Variants in RMDN2 observed in about 807,000 individuals in gnomAD.
RMDN2 encodes regulator of microtubule dynamics 2.
A neutral mutation model predicts 52.8 loss-of-function variants in RMDN2; 61 were observed. The observed-to-expected ratio is 1.16, with a 90% CI of 0.94 to 1.43. The LOEUF (loss-of-function observed/expected upper bound fraction) is 1.43, where lower values mean the gene tolerates loss of function less well. Among genes scored for constraint, RMDN2 ranks in the 40% most tolerant of loss-of-function variants. The pLI is 0.00. For synonymous variants in RMDN2, 180 were observed against 153.1 expected (o/e 1.18, Z -1.30); for missense variants, 592 against 475.3 (o/e 1.25, Z -2.28).
At chr2:37,951,154 A>T (rs1668728659) in intron 2 of RMDN2, 1 of 1,348,178 alleles carries the variant, frequency 7.4e-7, no homozygotes, top group South Asian at 1.5e-5. Flanking sequence ...AAAGGTGGAT[A>T]TTATTCTTCA....
At chr2:37,924,822 C>T (rs1251426404), upstream of RMDN2, among the ~76,000 whole-genome samples, 4 of 152,190 alleles carry the variant, frequency 2.6e-5, no homozygotes, top group Non-Finnish European at 5.9e-5. Context: ...CAAAATTGCT[C>T]ATTAAAAGAA....
At chr2:37,960,868 C>G (rs921104015) in intron 2 of RMDN2, among the ~76,000 whole-genome samples, 2 of 152,276 alleles carry the variant, frequency 1.3e-5, no homozygotes, top group Admixed American at 1.3e-4. Flanking sequence ...TTCAGGAACT[C>G]TTGTAAGGCA....
intron 2 of RMDN2, among the ~76,000 whole-genome samples, chr2:37,933,169 C>G (rs544801764): frequency 1.3e-5 from 2 of 150,582 alleles, no homozygotes; most frequent in African/African-American, 4.9e-5. Context: ...ACATCTCAGA[C>G]GATGGGCGGC....
intron 2 of RMDN2, among the ~76,000 whole-genome samples, chr2:37,942,275 T>C (rs2124930799): frequency 6.6e-6 from 1 of 152,260 alleles, no homozygotes. Flanking sequence ...GGTACCTCAG[T>C]TGGAAATGCA....
intron 2 of RMDN2, among the ~76,000 whole-genome samples, chr2:37,935,384 C>G (rs184979595): frequency 6.6e-6 from 1 of 152,314 alleles, no homozygotes; most frequent in Non-Finnish European, 1.5e-5. Flanking sequence ...ACATTACTTG[C>G]TCCTGTCAGG....
rs145263719 is a variant in RMDN2, at chr2:37,982,176, T to A, written c.791+833T>A. Among the ~76,000 whole-genome samples the A allele has an allele frequency of 4.9e-4, 74 of 152,284 alleles. 1 individual carries two copies. The highest frequency in any genetic ancestry group is 1.6e-3 in the African/African-American group (66 of 41,572). On this transcript the variant is annotated intron_variant, in intron 5 of 10. Transcript: ENST00000354545. Reference sequence around the variant, plus strand: ...CAAAATCTCTCTTAAAATGACTCCCTTTCCACAGGTCCACATTTGTCCCAC... The same window carrying A: ...CAAAATCTCTCTTAAAATGACTCCCATTCCACAGGTCCACATTTGTCCCAC...
chr2:37,960,548 A>T (rs1316334924), intron 2 of RMDN2, among the ~76,000 whole-genome samples: 2 of 152,062 alleles, frequency 1.3e-5, no homozygotes, highest in Non-Finnish European at 2.9e-5. Flanking sequence ...TGCACATGAT[A>T]TGGGTCTCCT....
intron 2 of RMDN2, chr2:37,951,436 A>G: frequency 6.2e-7 from 1 of 1,612,868 alleles, no homozygotes; most frequent in East Asian, 2.2e-5. Flanking sequence ...TCTTTCTCTG[A>G]AAGAAGATAT....
At chr2:37,998,534 TAATAATA>T (rs1675882725) in intron 8 of RMDN2, among the ~76,000 whole-genome samples, 1 of 151,996 alleles carries the variant, frequency 6.6e-6, no homozygotes, top group Non-Finnish European at 1.5e-5. Flanking sequence ...TCAAAAATAA[TAATAATA>T]AACGTCTTGT....
chr2:37,939,920 C>A (rs919591444), intron 2 of RMDN2, among the ~76,000 whole-genome samples: 2 of 152,150 alleles, frequency 1.3e-5, no homozygotes, highest in Non-Finnish European at 2.9e-5. Flanking sequence ...TTGATCCTGT[C>A]CTTATGATGC....
chr2:37,925,721 G>A (rs1408994968), intron 1 of RMDN2, among the ~76,000 whole-genome samples: 1 of 152,252 alleles, frequency 6.6e-6, no homozygotes, highest in East Asian at 1.9e-4. Flanking sequence ...GTGGGGAACA[G>A]GCAGTTTGCT....
At chr2:37,949,651 C>T (rs905790744) in intron 2 of RMDN2, among the ~76,000 whole-genome samples, 7 of 152,048 alleles carry the variant, frequency 4.6e-5, no homozygotes, top group East Asian at 1.9e-4. Context: ...CTTTGGGTCT[C>T]TTAAAAGGAA....
intron 2 of RMDN2, 66 bp downstream of exon 2, chr2:37,929,795 T>C: frequency 9.1e-7 from 1 of 1,094,594 alleles, no homozygotes; most frequent in African/African-American, 1.6e-5. Context: ...TATTTAGGTA[T>C]TTTCATTATG....
intron 2 of RMDN2, chr2:37,963,335 T>TTA (rs1670532285): frequency 9.0e-6 from 1 of 111,026 alleles, no homozygotes; most frequent in Non-Finnish European, 1.9e-5. Context: ...TTTTTTTTTT[T>TTA]AATTGATCAT....
intron 10 of RMDN2, chr2:38,027,048 G>A (rs1293043318): frequency 6.6e-6 from 1 of 152,116 alleles, no homozygotes; most frequent in African/African-American, 2.4e-5. Flanking sequence ...CTGTGGCCCA[G>A]AATATGTTCT....
chr2:37,992,496 G>A (rs1388341303), intron 7 of RMDN2, among the ~76,000 whole-genome samples: 2 of 152,146 alleles, frequency 1.3e-5, no homozygotes, highest in African/African-American at 4.8e-5. Context: ...TGCTAAGTTT[G>A]TATTACCTTC....
chr2:37,971,368 T>A (rs1440666485), intron 2 of RMDN2, among the ~76,000 whole-genome samples: 1 of 152,108 alleles, frequency 6.6e-6, no homozygotes, highest in Non-Finnish European at 1.5e-5. Flanking sequence ...GGCACTCTTA[T>A]CAAAATAAAC....
intron 10 of RMDN2, among the ~76,000 whole-genome samples, chr2:38,010,763 T>A (rs1677866650): frequency 6.6e-6 from 1 of 152,134 alleles, no homozygotes; most frequent in Non-Finnish European, 1.5e-5. Flanking sequence ...ACCCGGTACC[T>A]CAGGTGGAAA....
chr2:37,992,091 T>C (rs1437830892), intron 7 of RMDN2, among the ~76,000 whole-genome samples: 1 of 152,216 alleles, frequency 6.6e-6, no homozygotes, highest in Admixed American at 6.5e-5. Context: ...GTCCTTTATA[T>C]TTCTTGCTGC....
Sources: allele counts gnomAD v4.1 joint callset (sites outside exome capture counted in the v4.1 genomes callset), GRCh38; gene constraint gnomAD v4.1.1; transcripts MANE v1.5; gene names NCBI Gene and HGNC (gene_info 2026-07-23, HGNC 2026-07-21).